Variants in COL14A1 observed in about 807,000 individuals in gnomAD.
COL14A1 encodes the protein collagen type XIV alpha 1 chain.
COL14A1 carries 136 observed loss-of-function variants against 230.3 expected under a neutral mutation model. The observed-to-expected ratio is 0.59, with a 90% CI of 0.51 to 0.68. The LOEUF (loss-of-function observed/expected upper bound fraction) is 0.68, where lower values mean the gene tolerates loss of function less well. Ranked by LOEUF, COL14A1 falls within the 30% of genes least tolerant of loss-of-function variation. The probability of loss-of-function intolerance (pLI) is 0.00; values close to 1 mark genes in which losing one functional copy is unlikely to be tolerated. For missense variants in COL14A1, 1,976 were observed against 2,215.8 expected (o/e 0.89, Z 2.17); for synonymous variants, 792 against 784.1 (o/e 1.01, Z -0.17).
At position 120,372,599 on chromosome 8, in the gene COL14A1, AT is replaced by A. The variant is rs1812194438; in HGVS notation, c.*1371del. Reference sequence around the variant, plus strand: ...AACTTTAGAAAGTAGGGATGGGATCATTTACAACTAGAAGCTGGATTCTTTC... The same window carrying A: ...AACTTTAGAAAGTAGGGATGGGATCATTACAACTAGAAGCTGGATTCTTTC... On this transcript the variant is annotated 3_prime_UTR_variant, in exon 48 of 48. Transcript: ENST00000297848. Among the ~76,000 whole-genome samples the A allele has an allele frequency of 6.6e-6, 1 of 152,172 alleles. No individual in the cohort carries two copies. Among genetic ancestry groups the A allele is most frequent in the Non-Finnish European group, 1.5e-5 (1 of 68,034 alleles).
chr8:120,311,622 C>T (rs561126052), intron 37 of COL14A1, among the ~76,000 whole-genome samples: 7 of 152,196 alleles, frequency 4.6e-5, no homozygotes, highest in East Asian at 1.9e-4. Flanking sequence ...ACCTTGCATA[C>T]GGAAGGCCCC....
At chr8:120,364,399 G>A (rs1296670980) in intron 45 of COL14A1, among the ~76,000 whole-genome samples, 1 of 152,098 alleles carries the variant, frequency 6.6e-6, no homozygotes, top group Admixed American at 6.5e-5. Flanking sequence ...CTTAGCCTTT[G>A]ATCTCAATCC....
chr8:120,296,151 G>A (rs973281244), intron 34 of COL14A1, among the ~76,000 whole-genome samples: 1 of 151,640 alleles, frequency 6.6e-6, no homozygotes, highest in African/African-American at 2.4e-5. Context: ...CTCTTGGATG[G>A]TGGAGGGGAA....
intron 21 of COL14A1, among the ~76,000 whole-genome samples, chr8:120,249,475 A>C (rs1563695791): frequency 6.6e-6 from 1 of 152,172 alleles, no homozygotes; most frequent in Non-Finnish European, 1.5e-5. Flanking sequence ...TTAGGCCGGA[A>C]GCATGCGTTA....
intron 45 of COL14A1, among the ~76,000 whole-genome samples, chr8:120,354,117 C>A (rs1239306972): frequency 8.7e-6 from 1 of 114,468 alleles, no homozygotes; most frequent in Non-Finnish European, 1.7e-5. Context: ...TGGAAATCAT[C>A]ATTCTCAGTA....
chr8:120,141,801 A>G (rs1432006309), intron 1 of COL14A1, among the ~76,000 whole-genome samples: 3 of 152,236 alleles, frequency 2.0e-5, no homozygotes, highest in Non-Finnish European at 2.9e-5. Flanking sequence ...GCCTTTCACA[A>G]TAGGAGAAAA....
At chr8:120,234,559 T>G (rs1404656879) in intron 19 of COL14A1, among the ~76,000 whole-genome samples, 1 of 152,154 alleles carries the variant, frequency 6.6e-6, no homozygotes, top group African/African-American at 2.4e-5. Context: ...TTTCTGCATC[T>G]ATTGAGATAA....
At chr8:120,162,301 C>T in intron 3 of COL14A1, 125 bp from the exon 4 acceptor site, 1 of 681,496 alleles carries the variant, frequency 1.5e-6, no homozygotes, top group South Asian at 2.9e-5. Flanking sequence ...AAAATATATA[C>T]AATAAAACAC....
At chr8:120,183,800 C>A (rs4421388) in intron 5 of COL14A1, among the ~76,000 whole-genome samples, 96,121 of 152,022 alleles carry the variant, frequency 0.63, 30,681 homozygotes, top group African/African-American at 0.7. Flanking sequence ...CTTTGATTTC[C>A]TGCTATCTTT....
chr8:120,250,763 A>C lies in COL14A1; in HGVS notation c.2749A>C (p.Thr917Pro). 2 of 1,613,874 alleles carry C rather than the reference A, an allele frequency of 1.2e-6. No individual in the cohort carries two copies. Among genetic ancestry groups the C allele is most frequent in the Non-Finnish European group, 1.7e-6 (2 of 1,179,960 alleles). Residue 917 changes from threonine to proline, a missense_variant, in exon 22 of 48, where the codon ACA (threonine) becomes CCA (proline). Physicochemically the swap from Thr to Pro is conservative, Grantham distance 38. Coordinates refer to ENST00000297848, the MANE Select transcript of COL14A1 (RefSeq NM_021110.4). The part of the protein sequence containing the change: ...FSDALTGMVK[T>P]LFLGVTNLQA... The stretch of plus-strand genomic sequence containing the variant: ...CGACGCCCTGACAGGCATGGTGAAA[A>C]CATGTAAGAGCCATTTCCGATGGCC...
rs182589278 is a variant in COL14A1 at position 120,198,675 on chromosome 8, C to T, written c.713-727C>T. ...CCAAAATCCAAAAATACCTGAAATC[C>T]AAAACGATTCTGGTCTCAAGGATTT... On this transcript the variant is annotated intron_variant, in intron 7 of 47. Coordinates refer to ENST00000297848, the MANE Select transcript of COL14A1 (RefSeq NM_021110.4). Among the ~76,000 whole-genome samples, 133 of 152,160 alleles carry T rather than the reference C, an allele frequency of 8.7e-4. 1 individual carries two copies. Among genetic ancestry groups the T allele is most frequent in the African/African-American group, 3.0e-3 (125 of 41,524 alleles).
intron 14 of COL14A1, among the ~76,000 whole-genome samples, chr8:120,222,277 T>C (rs1011583306): frequency 6.6e-6 from 1 of 152,224 alleles, no homozygotes. Context: ...AAAAATGACC[T>C]ATAATGTTAT....
intron 44 of COL14A1, among the ~76,000 whole-genome samples, chr8:120,344,051 C>G (rs927567076): frequency 6.6e-6 from 1 of 152,300 alleles, no homozygotes; most frequent in Admixed American, 6.5e-5. Flanking sequence ...TACGAATTCT[C>G]AGAGTCTTGT....
intron 34 of COL14A1, among the ~76,000 whole-genome samples, 172 bp from the exon 35 acceptor site, chr8:120,297,339 A>G (rs536350260): frequency 6.6e-6 from 1 of 152,132 alleles, no homozygotes; most frequent in East Asian, 1.9e-4. Flanking sequence ...TTAGATCACT[A>G]TGTGTTTGAG....
At chr8:120,302,615 C>G (rs890925940) in intron 36 of COL14A1, among the ~76,000 whole-genome samples, 3 of 152,054 alleles carry the variant, frequency 2.0e-5, no homozygotes, top group Admixed American at 6.6e-5. Context: ...GTTTTTGTAC[C>G]AGTACCATAC....
intron 1 of COL14A1, among the ~76,000 whole-genome samples, chr8:120,145,583 C>G (rs947768838): frequency 6.6e-6 from 1 of 152,212 alleles, no homozygotes; most frequent in African/African-American, 2.4e-5. Flanking sequence ...CACCGTTGCA[C>G]TCCAGCCCTG....
Position 120,212,410 on chromosome 8 carries a change from G to T in COL14A1, c.1468-38G>T, listed in dbSNP as rs1563675135. On this transcript the variant is annotated intron_variant, in intron 12 of 47. Transcript: ENST00000297848. ...CCACTCTGATCAGCATGAATAATAT[G>T]TATTGGCAAATGATCTAACAACATG... 11 of 1,607,322 alleles carry T rather than the reference G, an allele frequency of 6.8e-6. No homozygotes were observed. In the South Asian group the frequency reaches 1.2e-4, roughly 18 times the overall value.
chr8:120,370,321 C>A, intron 47 of COL14A1: 1 of 1,610,040 alleles, frequency 6.2e-7, no homozygotes, highest in Non-Finnish European at 8.5e-7. Context: ...CTCAAATACT[C>A]CTATCCTTAT....
intron 1 of COL14A1, among the ~76,000 whole-genome samples, chr8:120,134,804 G>C (rs996037834): frequency 6.6e-6 from 1 of 152,118 alleles, no homozygotes; most frequent in African/African-American, 2.4e-5. Flanking sequence ...GCGAAACCCT[G>C]TCTCTACTAA....
Sources: allele counts gnomAD v4.1 joint callset (sites outside exome capture counted in the v4.1 genomes callset), GRCh38; gene constraint gnomAD v4.1.1; transcripts MANE v1.5; gene names NCBI Gene and HGNC (gene_info 2026-07-23, HGNC 2026-07-21).